ADORA2B: variants seen among roughly 807,000 people sequenced by gnomAD.
The protein encoded by ADORA2B is adenosine receptor A2b.
In ADORA2B, 18 loss-of-function variants were observed where a neutral mutation model predicts 20.8. The ratio of observed to expected loss-of-function variants is 0.87; its 90% CI spans 0.60 to 1.29. The LOEUF is 1.29. ADORA2B is among the 50% of genes most tolerant of loss of function. ADORA2B has a pLI of 0.00. For missense variants in ADORA2B, 441 were observed against 422.7 expected, an observed-to-expected ratio of 1.04 and a Z score of -0.38; for synonymous variants, 179 against 178.3, an observed-to-expected ratio of 1.00 and a Z score of -0.03.
the ADORA2B span, among the ~76,000 whole-genome samples, chr17:15,908,102 G>C: frequency 6.6e-6 from 1 of 151,674 alleles, no homozygotes; most frequent in South Asian, 2.1e-4. Flanking sequence ...TCTTGTTTTT[G>C]AGACTTGCTC....
intron 1 of ADORA2B, among the ~76,000 whole-genome samples, chr17:15,967,222 C>A (rs1970131669): frequency 6.6e-6 from 1 of 150,960 alleles, no homozygotes; most frequent in Non-Finnish European, 1.5e-5. Context: ...TGCAGGGACA[C>A]CTGCTTGCCT....
chr17:15,953,825 G>A (rs1042364171), intron 1 of ADORA2B, among the ~76,000 whole-genome samples: 1 of 152,166 alleles, frequency 6.6e-6, no homozygotes, highest in Non-Finnish European at 1.5e-5. Context: ...CTGCACAGGG[G>A]GAAGCTGTAG....
chr17:15,975,645 A>G lies in ADORA2B; in HGVS notation c.*303A>G, dbSNP rs1168896668. 2.7e-6 allele frequency: 1 copy of G among 364,980 alleles called. No individual in the cohort carries two copies. Among genetic ancestry groups the G allele is most frequent in the Non-Finnish European group, 5.0e-6 (1 of 201,208 alleles). The allele number at this position is 364,980 out of a possible 1,614,324, so 22.6% of individuals were successfully genotyped here. On this transcript the variant is annotated 3_prime_UTR_variant, in exon 2 of 2. Transcript: ENST00000304222. Reference sequence around the variant, plus strand: ...TCTGCCTTGTTTATGGTGGAAAATTACTGAAACTATTTTACTGTGAAACAG... The same window carrying G: ...TCTGCCTTGTTTATGGTGGAAAATTGCTGAAACTATTTTACTGTGAAACAG...
chr17:15,969,189 G>A (rs931107314), intron 1 of ADORA2B, among the ~76,000 whole-genome samples: 7 of 152,258 alleles, frequency 4.6e-5, no homozygotes, highest in African/African-American at 9.6e-5. Context: ...GGAGGCTCAC[G>A]CCTGTAATCC....
chr17:15,964,896 C>A (rs1970090996), intron 1 of ADORA2B, among the ~76,000 whole-genome samples: 2 of 151,930 alleles, frequency 1.3e-5, no homozygotes, highest in South Asian at 4.1e-4. Flanking sequence ...CCCGTCTCTA[C>A]TAAAAATACA....
the ADORA2B span, among the ~76,000 whole-genome samples, chr17:15,905,522 G>A: frequency 3.4e-3 from 522 of 151,396 alleles, 3 homozygotes; most frequent in South Asian, 7.9e-3. Context: ...TAGGACTATA[G>A]GTGCACGCCA....
the ADORA2B span, among the ~76,000 whole-genome samples, chr17:15,929,564 C>T: frequency 6.6e-6 from 1 of 152,204 alleles, no homozygotes; most frequent in Non-Finnish European, 1.5e-5. Context: ...CTGCTGCCCA[C>T]CCGCATTCAC....
chr17:15,864,172 C>T, the ADORA2B span: 625 of 159,288 alleles, frequency 3.9e-3, 7 homozygotes, highest in African/African-American at 0.014. Flanking sequence ...GGGACAATGT[C>T]AGCCAGCTTC....
chr17:15,904,286 T>A, the ADORA2B span, among the ~76,000 whole-genome samples: 1 of 152,044 alleles, frequency 6.6e-6, no homozygotes, highest in East Asian at 1.9e-4. Context: ...AGCCAATTTT[T>A]TTCTTTCTTG....
At chr17:15,891,366 A>G in the ADORA2B span, among the ~76,000 whole-genome samples, 1 of 152,260 alleles carries the variant, frequency 6.6e-6, no homozygotes, top group African/African-American at 2.4e-5. Context: ...GAAGGAGCAC[A>G]GGCTGCATTT....
the ADORA2B span, among the ~76,000 whole-genome samples, chr17:15,936,383 A>G: frequency 2.8e-4 from 42 of 151,654 alleles, no homozygotes; most frequent in East Asian, 6.0e-3. Context: ...CAGTGGTGCA[A>G]TCTTGTCTCA....
the ADORA2B span, among the ~76,000 whole-genome samples, chr17:15,937,455 C>T: frequency 6.6e-6 from 1 of 152,228 alleles, no homozygotes; most frequent in Admixed American, 6.5e-5. Context: ...CCTGCTTATG[C>T]ACAGCCCCAA....
At chr17:15,965,978 T>C (rs772841536) in intron 1 of ADORA2B, among the ~76,000 whole-genome samples, 13 of 152,268 alleles carry the variant, frequency 8.5e-5, no homozygotes, top group Non-Finnish European at 1.8e-4. Context: ...ACTGCCTGCC[T>C]GGGTGTCCCA....
At chr17:15,932,490 CAAAA>C in the ADORA2B span, among the ~76,000 whole-genome samples, 4 of 76,346 alleles carry the variant, frequency 5.2e-5, no homozygotes, top group Non-Finnish European at 6.0e-5. Context: ...AAGACTCTCT[CAAAA>C]AAAAAAAAAA....
At chr17:15,912,983 G>A in the ADORA2B span, among the ~76,000 whole-genome samples, 216 of 152,330 alleles carry the variant, frequency 1.4e-3, no homozygotes, top group African/African-American at 5.1e-3. Context: ...GCCTAGATTC[G>A]TCAGATGGTG....
At chr17:15,897,205 C>T in the ADORA2B span, among the ~76,000 whole-genome samples, 4 of 152,178 alleles carry the variant, frequency 2.6e-5, no homozygotes, top group East Asian at 7.7e-4. Context: ...AGGATGGATA[C>T]AAGAAAATAC....
At chr17:15,868,194 A>T in the ADORA2B span, among the ~76,000 whole-genome samples, 1 of 137,708 alleles carries the variant, frequency 7.3e-6, no homozygotes, top group African/African-American at 2.6e-5. Context: ...AAGAGTCATC[A>T]CCACTCCCTA....
At chr17:15,907,237 G>T in the ADORA2B span, among the ~76,000 whole-genome samples, 2 of 151,660 alleles carry the variant, frequency 1.3e-5, no homozygotes, top group African/African-American at 4.9e-5. Context: ...AATTGTTCTA[G>T]GTGTACCTGC....
chr17:15,870,834 C>T, the ADORA2B span, among the ~76,000 whole-genome samples: 1 of 152,164 alleles, frequency 6.6e-6, no homozygotes, highest in African/African-American at 2.4e-5. Context: ...TATTTATTGC[C>T]GTCAGAGTGG....
Sources: allele counts gnomAD v4.1 joint callset (sites outside exome capture counted in the v4.1 genomes callset), GRCh38; gene constraint gnomAD v4.1.1; transcripts MANE v1.5; gene names NCBI Gene and HGNC (gene_info 2026-07-23, HGNC 2026-07-21).